Variants in PALM2AKAP2 observed in about 807,000 individuals in gnomAD.
PALM2AKAP2 encodes PALM2-AKAP2 fusion protein.
Under a neutral mutation model 71.5 loss-of-function variants are expected in PALM2AKAP2, and 37 were observed. The observed-to-expected ratio is 0.52, with a 90% CI of 0.40 to 0.68. PALM2AKAP2 has a LOEUF of 0.68. Ranked by LOEUF, PALM2AKAP2 falls within the 30% of genes least tolerant of loss-of-function variation. The pLI is 0.00. For synonymous variants in PALM2AKAP2, 468 were observed against 478.8 expected, an observed-to-expected ratio of 0.98 and a Z score of 0.29; for missense variants, 1,224 against 1,191.8, an observed-to-expected ratio of 1.03 and a Z score of -0.40.
At chr9:109,923,535 TCCC>T (rs1830885162) in intron 3 of PALM2AKAP2, among the ~76,000 whole-genome samples, 197 bp from the exon 4 acceptor site, 1 of 152,238 alleles carries the variant, frequency 6.6e-6, no homozygotes, top group Admixed American at 6.5e-5. Flanking sequence ...TGTGTTGATT[TCCC>T]TTGACCAATG....
At chr9:110,135,160 A>ATATATATATATATATATATATATATATAT in intron 1 of PALM2AKAP2, among the ~76,000 whole-genome samples, 1 of 50,550 alleles carries the variant, frequency 2.0e-5, no homozygotes, top group African/African-American at 7.9e-5. Flanking sequence ...TACAAAAAAA[A>ATATATATATATATATATATATATATATAT]AAAAATATAT....
At chr9:110,154,369 T>C (rs563963731) in intron 2 of PALM2AKAP2, among the ~76,000 whole-genome samples, 3 of 152,332 alleles carry the variant, frequency 2.0e-5, no homozygotes, top group East Asian at 1.9e-4. Flanking sequence ...ACCACTGTGC[T>C]ATATTGTTTC....
chr9:110,170,301 A>C (rs1836831013), exon 4 of PALM2AKAP2: 1 of 152,638 alleles, frequency 6.6e-6, no homozygotes, highest in Non-Finnish European at 1.5e-5. Context: ...CTCACTAAAA[A>C]TCATTTTTGT....
intron 6 of PALM2AKAP2, among the ~76,000 whole-genome samples, chr9:109,962,041 A>G (rs1436540289): frequency 6.6e-6 from 1 of 152,196 alleles, no homozygotes; most frequent in Non-Finnish European, 1.5e-5. Context: ...GGGAGAGAGG[A>G]GCATGACTTG....
intron 1 of PALM2AKAP2, among the ~76,000 whole-genome samples, chr9:110,063,739 T>C (rs1258849783): frequency 1.3e-5 from 2 of 152,194 alleles, no homozygotes; most frequent in South Asian, 4.1e-4. Context: ...CCACCACGCT[T>C]GGCTCAAATT....
intron 6 of PALM2AKAP2, among the ~76,000 whole-genome samples, chr9:109,987,166 T>C (rs1832393868): frequency 6.6e-6 from 1 of 152,212 alleles, no homozygotes; most frequent in South Asian, 2.1e-4. Context: ...AGTCTTGCTC[T>C]GTTGCCCAGG....
At chr9:109,759,562 G>A (rs762672721) in intron 1 of PALM2AKAP2, among the ~76,000 whole-genome samples, 20 of 152,028 alleles carry the variant, frequency 1.3e-4, no homozygotes, top group Non-Finnish European at 2.8e-4. Context: ...TAAGATATTG[G>A]TGACAGTAGA....
At chr9:109,975,134 T>C (rs1011665965) in intron 6 of PALM2AKAP2, among the ~76,000 whole-genome samples, 3 of 152,208 alleles carry the variant, frequency 2.0e-5, no homozygotes, top group African/African-American at 7.2e-5. Context: ...AAGATGTATG[T>C]AGACATATGG....
chr9:110,085,616 A>G (rs547999192), intron 1 of PALM2AKAP2, among the ~76,000 whole-genome samples: 2 of 152,104 alleles, frequency 1.3e-5, no homozygotes, highest in African/African-American at 2.4e-5. Flanking sequence ...AAGAAAACAT[A>G]GTATACTCTG....
At chr9:109,948,702 C>T (rs1831567154) in intron 6 of PALM2AKAP2, among the ~76,000 whole-genome samples, 1 of 152,094 alleles carries the variant, frequency 6.6e-6, no homozygotes. Context: ...ATAAAAAGTA[C>T]ATCTCACAAA....
intron 1 of PALM2AKAP2, among the ~76,000 whole-genome samples, chr9:109,764,443 T>C (rs1452213478): frequency 2.0e-5 from 3 of 152,226 alleles, no homozygotes; most frequent in African/African-American, 4.8e-5. Context: ...CTAGCCCCCA[T>C]TGAGAGCCTA....
At chr9:109,852,009 G>C (rs1371884149) in intron 1 of PALM2AKAP2, among the ~76,000 whole-genome samples, 1 of 151,942 alleles carries the variant, frequency 6.6e-6, no homozygotes, top group Non-Finnish European at 1.5e-5. Context: ...ATCCTACCTG[G>C]TTCCCCATCA....
intron 2 of PALM2AKAP2, among the ~76,000 whole-genome samples, chr9:109,872,651 G>A (rs1829631219): frequency 6.6e-6 from 1 of 152,166 alleles, no homozygotes; most frequent in African/African-American, 2.4e-5. Flanking sequence ...AAAGCTGAAT[G>A]AAAAAAGATG....
intron 2 of PALM2AKAP2, among the ~76,000 whole-genome samples, chr9:110,154,178 C>G (rs1368454162): frequency 6.6e-6 from 1 of 152,262 alleles, no homozygotes. Context: ...TGAATATTAA[C>G]CTTATAAATA....
intron 1 of PALM2AKAP2, among the ~76,000 whole-genome samples, chr9:109,864,726 C>T (rs1691041497): frequency 6.6e-6 from 1 of 152,168 alleles, no homozygotes; most frequent in African/African-American, 2.4e-5. Context: ...GACTGTATGT[C>T]CCACAAAATC....
intron 1 of PALM2AKAP2, among the ~76,000 whole-genome samples, chr9:109,709,242 G>A (rs1216549719): frequency 2.0e-5 from 3 of 152,218 alleles, no homozygotes; most frequent in South Asian, 2.1e-4. Flanking sequence ...ACCTGACTGT[G>A]ACACCCTGTG....
chr9:109,789,474 A>T (rs1187322499), intron 1 of PALM2AKAP2, among the ~76,000 whole-genome samples: 4 of 152,220 alleles, frequency 2.6e-5, no homozygotes, highest in Admixed American at 1.3e-4. Flanking sequence ...CATATCAAGG[A>T]CAAGTTTATT....
chr9:109,795,354 T>G (rs1827223278), intron 1 of PALM2AKAP2, among the ~76,000 whole-genome samples: 1 of 152,264 alleles, frequency 6.6e-6, no homozygotes, highest in South Asian at 2.1e-4. Flanking sequence ...GTCTTCACTC[T>G]CATCATTAGG....
chr9:110,019,135 G>A (rs1214456506), intron 7 of PALM2AKAP2, among the ~76,000 whole-genome samples: 1 of 151,576 alleles, frequency 6.6e-6, no homozygotes. Context: ...AGCTACTAGG[G>A]AGGCTGAGGC....
Sources: allele counts gnomAD v4.1 joint callset (sites outside exome capture counted in the v4.1 genomes callset), GRCh38; gene constraint gnomAD v4.1.1; transcripts MANE v1.5; gene names NCBI Gene and HGNC (gene_info 2026-07-23, HGNC 2026-07-21).